Variants in SORCS2 observed in about 807,000 individuals in gnomAD.
SORCS2 encodes sortilin related VPS10 domain containing receptor 2.
SORCS2 carries 100 observed loss-of-function variants against 141.6 expected under a neutral mutation model. The ratio of observed to expected loss-of-function variants is 0.71; its 90% CI spans 0.60 to 0.83. The LOEUF (loss-of-function observed/expected upper bound fraction) is 0.83, where lower values mean the gene tolerates loss of function less well. Ranked by LOEUF, SORCS2 falls within the 40% of genes least tolerant of loss-of-function variation. SORCS2 has a pLI of 0.00. For synonymous variants in SORCS2, 789 were observed against 676.9 expected (o/e 1.17, Z -2.57); for missense variants, 1,646 against 1,560.2 (o/e 1.05, Z -0.93).
At chr4:7,335,572 A>G (rs1444324966) in intron 1 of SORCS2, among the ~76,000 whole-genome samples, 3 of 152,198 alleles carry the variant, frequency 2.0e-5, no homozygotes, top group Non-Finnish European at 4.4e-5. Context: ...CGGCCAGTTC[A>G]GGAGGCAGCT....
intron 3 of SORCS2, among the ~76,000 whole-genome samples, chr4:7,605,859 G>A (rs931819204): frequency 3.3e-5 from 5 of 152,180 alleles, no homozygotes; most frequent in African/African-American, 1.2e-4. Flanking sequence ...AGAGGCTGCA[G>A]CCAGTGGGTG....
chr4:7,418,328 G>A (rs1725826148), intron 2 of SORCS2, among the ~76,000 whole-genome samples: 1 of 152,200 alleles, frequency 6.6e-6, no homozygotes, highest in Admixed American at 6.5e-5. Flanking sequence ...GGAAGTGCAC[G>A]GGACGGGGCA....
At position 7,386,440 on chromosome 4, in the gene SORCS2, CAG is replaced by C. The variant is rs1173922231; in HGVS notation, c.481-9844_481-9843del. ...ACACATGCACACACATACAGGTACACAGAGATACACATGTGCACGCACACACA... is the reference window on the plus strand; with the variant it reads ...ACACATGCACACACATACAGGTACACAGATACACATGTGCACGCACACACA... On this transcript the variant is annotated intron_variant, in intron 1 of 26. Coordinates refer to ENST00000507866, the MANE Select transcript of SORCS2 (RefSeq NM_020777.3). Among the ~76,000 whole-genome samples, 7 of 100,674 alleles carry C rather than the reference CAG, an allele frequency of 7.0e-5. 1 individual carries two copies. Among genetic ancestry groups the C allele is most frequent in the Admixed American group, 3.7e-4 (4 of 10,760 alleles). 66.0% of individuals were successfully genotyped at this position (100,674 alleles called of 152,430 possible).
chr4:7,287,874 G>A (rs1716334114), intron 1 of SORCS2, among the ~76,000 whole-genome samples: 1 of 152,182 alleles, frequency 6.6e-6, no homozygotes, highest in Non-Finnish European at 1.5e-5. Flanking sequence ...CTTCCGCTAT[G>A]GTAAAAACAG....
At chr4:7,208,108 T>C (rs1727849683) in intron 1 of SORCS2, among the ~76,000 whole-genome samples, 1 of 152,072 alleles carries the variant, frequency 6.6e-6, no homozygotes, top group African/African-American at 2.4e-5. Flanking sequence ...GGGGCCCACC[T>C]TCCTGTCTCA....
chr4:7,576,954 A>G (rs1009753909), intron 3 of SORCS2, among the ~76,000 whole-genome samples: 3 of 152,204 alleles, frequency 2.0e-5, no homozygotes, highest in African/African-American at 7.2e-5. Flanking sequence ...ATGGGAAATG[A>G]GCAGGGTGGA....
intron 3 of SORCS2, among the ~76,000 whole-genome samples, chr4:7,599,531 G>A (rs1717516197): frequency 6.6e-6 from 1 of 152,204 alleles, no homozygotes. Context: ...CCTGGATCAC[G>A]AAGCCAGCTC....
chr4:7,331,234 G>T (rs1255602782), intron 1 of SORCS2, among the ~76,000 whole-genome samples: 1 of 152,140 alleles, frequency 6.6e-6, no homozygotes, highest in Non-Finnish European at 1.5e-5. Context: ...CTGCTGTGGG[G>T]CTCGGCATGC....
chr4:7,227,479 C>G (rs1729057786), intron 1 of SORCS2, among the ~76,000 whole-genome samples: 2 of 152,204 alleles, frequency 1.3e-5, no homozygotes, highest in African/African-American at 4.8e-5. Flanking sequence ...TCCACAGCAG[C>G]CTGCAGGTTG....
chr4:7,199,311 C>G (rs1727356269), intron 1 of SORCS2, among the ~76,000 whole-genome samples: 1 of 152,106 alleles, frequency 6.6e-6, no homozygotes, highest in South Asian at 2.1e-4. Flanking sequence ...GGTGTGGAGG[C>G]ACAGTGCAGG....
chr4:7,525,807 TTC>T (rs1475972934), intron 2 of SORCS2, among the ~76,000 whole-genome samples: 71 of 96,968 alleles, frequency 7.3e-4, no homozygotes, highest in East Asian at 2.0e-3. Flanking sequence ...CTCATACCTG[TTC>T]CCTGCAGTCA....
chr4:7,521,779 A>G (rs1446033618), intron 2 of SORCS2, among the ~76,000 whole-genome samples: 2 of 152,218 alleles, frequency 1.3e-5, no homozygotes, highest in Non-Finnish European at 2.9e-5. Context: ...TATAAAGTGC[A>G]GGTGTGAATA....
At chr4:7,241,204 G>C (rs901891068) in intron 1 of SORCS2, among the ~76,000 whole-genome samples, 9 of 152,188 alleles carry the variant, frequency 5.9e-5, no homozygotes, top group African/African-American at 2.2e-4. Flanking sequence ...CTCCCAAAGT[G>C]CTGGGATTAC....
rs33979747 is a variant in SORCS2, at chr4:7,727,427, ACC to A, written c.2869+535_2869+536del. Among the ~76,000 whole-genome samples the A allele has an allele frequency of 6.0e-3, 885 of 147,944 alleles. 6 individuals are homozygous for A. Among genetic ancestry groups the A allele is most frequent in the African/African-American group, 0.014 (568 of 40,612 alleles). ...CCAACTGGTCCTAAGACTGAAGGAG[ACC>A]CCCCCCCCCCTTGTCAAGGAGGCAG... On this transcript the variant is annotated intron_variant, in intron 21 of 26. Coordinates refer to ENST00000507866, the MANE Select transcript of SORCS2 (RefSeq NM_020777.3).
intron 3 of SORCS2, among the ~76,000 whole-genome samples, chr4:7,577,101 A>G (rs1468817808): frequency 1.3e-5 from 2 of 152,166 alleles, no homozygotes; most frequent in Admixed American, 1.3e-4. Context: ...TTCCTGTTTT[A>G]GAGAGATCAC....
chr4:7,301,477 T>A (rs1462464185), intron 1 of SORCS2, among the ~76,000 whole-genome samples: 1 of 152,162 alleles, frequency 6.6e-6, no homozygotes, highest in African/African-American at 2.4e-5. Flanking sequence ...CAGCTGTCTT[T>A]ATGCACCAGA....
chr4:7,265,089 A>C (rs1219075524), intron 1 of SORCS2, among the ~76,000 whole-genome samples: 1 of 152,174 alleles, frequency 6.6e-6, no homozygotes, highest in African/African-American at 2.4e-5. Flanking sequence ...CTTCTGCTCC[A>C]TTCGGGGGTG....
intron 3 of SORCS2, among the ~76,000 whole-genome samples, chr4:7,546,477 G>C (rs1280322477): frequency 6.6e-6 from 1 of 152,162 alleles, no homozygotes; most frequent in African/African-American, 2.4e-5. Flanking sequence ...TCGCAGTGAG[G>C]AATCCCCAGC....
At chr4:7,661,904 C>T (rs1362194519) in intron 6 of SORCS2, among the ~76,000 whole-genome samples, 1 of 152,132 alleles carries the variant, frequency 6.6e-6, no homozygotes, top group Non-Finnish European at 1.5e-5. Flanking sequence ...ACACCGGACC[C>T]AGCCAACTTC....
Sources: gnomAD v4.1 joint callset for allele counts (sites outside exome capture counted in the v4.1 genomes callset) on GRCh38, gnomAD v4.1.1 for gene constraint, MANE v1.5 for transcripts, NCBI Gene and HGNC (gene_info 2026-07-23, HGNC 2026-07-21) for gene names.